The following ARHGEF19 variants were observed in gnomAD, a reference collection of about 807,000 sequenced individuals.
ARHGEF19 encodes the protein Rho guanine nucleotide exchange factor 19.
ARHGEF19 carries 92 observed loss-of-function variants against 87.6 expected under a neutral mutation model. The ratio of observed to expected loss-of-function variants is 1.05; its 90% CI spans 0.89 to 1.25. The LOEUF is 1.25. Ranked by LOEUF, ARHGEF19 falls within the 50% of genes most tolerant of loss-of-function variation. ARHGEF19 has a pLI of 0.00. For synonymous variants in ARHGEF19, 438 were observed against 446.2 expected (o/e 0.98, Z 0.23); for missense variants, 1,054 against 1,051.8 (o/e 1.00, Z -0.03).
At position 16,207,387 on chromosome 1, in the gene ARHGEF19, G is replaced by A. The variant is rs2081150177; in HGVS notation, c.874+135C>T. ...TAAACAAATTGAGCACCTACTGAGT[G>A]CTAGATACCGACAGTTCCATTCTCC... On this transcript the variant is annotated intron_variant, in intron 5 of 15. Coordinates refer to ENST00000270747, the MANE Select transcript of ARHGEF19 (RefSeq NM_153213.5). The surrounding 1 kb of genome is among the most constrained non-coding windows in gnomAD (Gnocchi z 4.0). 7.5e-7 allele frequency: 1 copy of A among 1,338,408 alleles called. No individual in the cohort carries two copies. Among genetic ancestry groups the A allele is most frequent in the South Asian group, 1.4e-5 (1 of 71,262 alleles). 82.9% of individuals were successfully genotyped at this position (1,338,408 alleles called of 1,614,324 possible).
intron 1 of ARHGEF19, among the ~76,000 whole-genome samples, chr1:16,211,283 T>C (rs1234144596): frequency 1.4e-5 from 2 of 140,392 alleles, no homozygotes; most frequent in Non-Finnish European, 3.1e-5. Flanking sequence ...CACAGACGGG[T>C]CTCTTTCTCT....
intron 14 of ARHGEF19, among the ~76,000 whole-genome samples, chr1:16,201,020 G>C (rs372094546): frequency 3.5e-4 from 54 of 152,246 alleles, no homozygotes; most frequent in African/African-American, 1.3e-3. Context: ...TTGAGGCCAG[G>C]CTGGGCAACA....
intron 14 of ARHGEF19, among the ~76,000 whole-genome samples, chr1:16,200,845 G>A (rs747509154): frequency 1.1e-4 from 16 of 152,190 alleles, no homozygotes; most frequent in African/African-American, 1.7e-4. Context: ...AGGTTGCAAT[G>A]AGCAGAGATT....
Position 16,206,897 on chromosome 1 carries a change from C to A in ARHGEF19, c.1137+51G>T. The A allele has an allele frequency of 7.1e-7, 1 of 1,413,250 alleles. No homozygotes were observed. The highest frequency in any genetic ancestry group is 9.1e-7 in the Non-Finnish European group (1 of 1,093,880). 87.5% of individuals were successfully genotyped at this position (1,413,250 alleles called of 1,614,324 possible). On this transcript the variant is annotated intron_variant, in intron 6 of 15. Coordinates refer to ENST00000270747, the MANE Select transcript of ARHGEF19 (RefSeq NM_153213.5). The surrounding 1 kb of genome is among the most constrained non-coding windows in gnomAD (Gnocchi z 4.6). ...CCCGGTTCCCGCTAAGTCCCCGGACCGCGTACTCCCCGGCCCGCCCCCGCC... is the reference window on the plus strand; with the variant it reads ...CCCGGTTCCCGCTAAGTCCCCGGACAGCGTACTCCCCGGCCCGCCCCCGCC...
In ARHGEF19 at chr1:16,207,788, C is replaced by G; in HGVS notation, c.695-11G>C. On this transcript the variant is annotated splice_polypyrimidine_tract_variant and intron_variant, in intron 3 of 15. Transcript: ENST00000270747. This position sits in a 1 kb window ranked among gnomAD's most constrained non-coding sequence, Gnocchi z 4.0. ...TTCCAGATGCTTTCCCTGGAGAGGG[C>G]GAGAACTGAGGGTGGGGGGTCCAGA... The G allele has an allele frequency of 1.2e-6, 2 of 1,613,160 alleles. No individual in the cohort carries two copies. Among genetic ancestry groups the G allele is most frequent in the Non-Finnish European group, 8.5e-7 (1 of 1,179,908 alleles).
In ARHGEF19 at chr1:16,205,609, G is replaced by A; in HGVS notation, c.1510C>T (p.Gln504Ter). 1.9e-6 allele frequency: 3 copies of A among 1,613,856 alleles called. No individual in the cohort carries two copies. Among genetic ancestry groups the A allele is most frequent in the Non-Finnish European group, 2.5e-6 (3 of 1,179,898 alleles). The change falls in exon 9 of 16, where the codon CAG (glutamine) becomes TAG (stop). Residue 504 changes from glutamine to a stop codon, truncating the protein, a stop_gained. Transcript: ENST00000270747. LOFTEE classifies it high-confidence loss of function. The surrounding 1 kb of genome is among the most constrained non-coding windows in gnomAD (Gnocchi z 5.8). ...AGGAAGGAGGTAAGGGGCAGACGCTGGCACACAGGAGACTCCTCCAGGCGA... is the reference window on the plus strand; with the variant it reads ...AGGAAGGAGGTAAGGGGCAGACGCTAGCACACAGGAGACTCCTCCAGGCGA... ...LARLEESPVC[Q>*]RLPLTSFLIL...
chr1:16,206,831 C>A lies in ARHGEF19; in HGVS notation c.1137+117G>T. On this transcript the variant is annotated intron_variant, in intron 6 of 15. Coordinates refer to ENST00000270747, the MANE Select transcript of ARHGEF19 (RefSeq NM_153213.5). The surrounding 1 kb of genome is among the most constrained non-coding windows in gnomAD (Gnocchi z 4.6). ...AGAGCCAACCTTCCGCGCGGACAGT[C>A]GCGCCAGCAACCCCCTTTGTGTGTC... The A allele has an allele frequency of 3.1e-6, 4 of 1,280,524 alleles. No individual in the cohort carries two copies. In the South Asian group the frequency reaches 5.3e-5, roughly 17 times the overall value. 79.3% of individuals were successfully genotyped at this position (1,280,524 alleles called of 1,614,324 possible).
In ARHGEF19 at chr1:16,206,910, G is replaced by GCCCGC; in HGVS notation, c.1137+33_1137+37dup. On this transcript the variant is annotated intron_variant, in intron 6 of 15. Coordinates refer to ENST00000270747, the MANE Select transcript of ARHGEF19 (RefSeq NM_153213.5). This position sits in a 1 kb window ranked among gnomAD's most constrained non-coding sequence, Gnocchi z 4.6. ...AAGTCCCCGGACCGCGTACTCCCCG[G>GCCCGC]CCCGCCCCCGCCCCGCCGGGTCCCC... 7.1e-7 allele frequency: 1 copy of GCCCGC among 1,417,648 alleles called. No individual in the cohort carries two copies. The highest frequency in any genetic ancestry group is 9.1e-7 in the Non-Finnish European group (1 of 1,095,406). The allele number at this position is 1,417,648 out of a possible 1,614,324, so 87.8% of individuals were successfully genotyped here.
At chr1:16,199,011 C>T (rs1413901147) in intron 15 of ARHGEF19, 139 bp downstream of exon 15, 1 of 870,722 alleles carries the variant, frequency 1.1e-6, no homozygotes, top group Non-Finnish European at 1.8e-6. Context: ...CAGGAAGTTC[C>T]TCCTCTCATC....
At position 16,205,666 on chromosome 1, in the gene ARHGEF19, G is replaced by A. The variant is rs1385593618; in HGVS notation, c.1453C>T (p.Leu485=). 3 of 1,606,242 alleles carry A rather than the reference G, an allele frequency of 1.9e-6. No individual in the cohort carries two copies. The highest frequency in any genetic ancestry group is 2.5e-6 in the Non-Finnish European group (3 of 1,177,300). The change falls in exon 9 of 16, where the codon CTG becomes TTG. Residue 485 remains leucine (L), a splice_region_variant and synonymous_variant. Coordinates refer to ENST00000270747, the MANE Select transcript of ARHGEF19 (RefSeq NM_153213.5). This position sits in a 1 kb window ranked among gnomAD's most constrained non-coding sequence, Gnocchi z 5.8. ...YQERTYQRLL[L]ENPRFPGILA... ...ATGCCAGGGAACCTGGGGTTCTCCA[G>A]GCTGGAAAATGGGGAGGACTCTGGA... is the stretch of plus-strand genomic sequence containing the variant.
chr1:16,207,902 C>CCGCCGGG lies in ARHGEF19; in HGVS notation c.694+41_694+42insCCCGGCG. ...GGCATCGCCCACCCCCACCCCCACC[C>CCGCCGGG]GGCATCTGGCTGCCCTCAGGGCCCA... On this transcript the variant is annotated intron_variant, in intron 3 of 15. Coordinates refer to ENST00000270747, the MANE Select transcript of ARHGEF19 (RefSeq NM_153213.5). This position sits in a 1 kb window ranked among gnomAD's most constrained non-coding sequence, Gnocchi z 4.0. 2 of 1,574,822 alleles carry CCGCCGGG rather than the reference C, an allele frequency of 1.3e-6. No homozygotes were observed. The highest frequency in any genetic ancestry group is 1.4e-5 in the African/African-American group (1 of 73,530).
Position 16,205,700 on chromosome 1 carries a change from T to C in ARHGEF19, c.1452-33A>G. 1.3e-6 allele frequency: 2 copies of C among 1,576,754 alleles called. No homozygotes were observed. Among genetic ancestry groups the C allele is most frequent in the Non-Finnish European group, 8.6e-7 (1 of 1,163,164 alleles). ...ATGGGGAGGACTCTGGAATCACAGG[T>C]AGGCCTGAATTCCTGGGATCCACAA... On this transcript the variant is annotated intron_variant, in intron 8 of 15. Transcript: ENST00000270747. This position sits in a 1 kb window ranked among gnomAD's most constrained non-coding sequence, Gnocchi z 5.8.
chr1:16,202,448 C>T lies in ARHGEF19; in HGVS notation c.2034G>A (p.Met678Ile), dbSNP rs2081091673. Residue 678 changes from methionine to isoleucine, a missense_variant, in exon 13 of 16, where the codon ATG becomes ATA. Transcript: ENST00000270747. ...FLLQLLHGQHMKHQFLLRART... is the reference protein window; with the variant it reads ...FLLQLLHGQHIKHQFLLRART... Reference sequence around the variant, plus strand: ...GGGCCCGCAGCAGGAACTGGTGCTTCATGTGCTGCCCGTGGAGGAGCTGGA... The same window carrying T: ...GGGCCCGCAGCAGGAACTGGTGCTTTATGTGCTGCCCGTGGAGGAGCTGGA... The T allele has an allele frequency of 6.2e-7, 1 of 1,614,110 alleles. No homozygotes were observed. Among genetic ancestry groups the T allele is most frequent in the Non-Finnish European group, 8.5e-7 (1 of 1,180,014 alleles).
chr1:16,208,212 C>T lies in ARHGEF19; in HGVS notation c.426G>A (p.Arg142=). ...CGGGGACCTCTTCACGCTGGTACAC[C>T]CGCATCTTGCGCCCTAGGGTTGGGG... ...SEKKSAWRKM[R]VYQREEVPGC... is the part of the protein sequence containing the mutation. The change falls in exon 3 of 16, where the codon CGG becomes CGA. Residue 142 remains arginine, a synonymous_variant. Transcript: ENST00000270747. 6.2e-7 allele frequency: 1 copy of T among 1,612,600 alleles called. No individual in the cohort carries two copies. The highest frequency in any genetic ancestry group is 8.5e-7 in the Non-Finnish European group (1 of 1,179,258).
At chr1:16,209,443 T>C (rs1229363417) in intron 1 of ARHGEF19, among the ~76,000 whole-genome samples, 3 of 152,216 alleles carry the variant, frequency 2.0e-5, no homozygotes, top group African/African-American at 7.2e-5. Context: ...TTTAACCACC[T>C]TGTACTTCTC....
rs146746432 is a variant in ARHGEF19, at chr1:16,208,679, G to A, written c.376C>T (p.Arg126Cys). ...PWSPRHTQPQ[R>C]RASHGSEKKS... Reference sequence around the variant, plus strand: ...TTCTCCGAGCCGTGGCTGGCCCGGCGCTGTGGCTGTGTGTGTCGGGGACTC... The same window carrying A: ...TTCTCCGAGCCGTGGCTGGCCCGGCACTGTGGCTGTGTGTGTCGGGGACTC... The change falls in exon 2 of 16, where the codon CGC becomes TGC. Residue 126 changes from arginine to cysteine, a missense_variant. By Grantham distance (180) the Arg-to-Cys change is radical. Transcript: ENST00000270747. 2,014 of 1,607,218 alleles carry A rather than the reference G, an allele frequency of 1.3e-3. 6 individuals are homozygous for A. Among genetic ancestry groups the A allele is most frequent in the South Asian group, 1.4e-3 (127 of 90,334 alleles).
chr1:16,204,753 A>G lies in ARHGEF19; in HGVS notation c.1907+6T>C. ...TACCTACCCACCCCTGACTGCCCCG[A>G]CTCACTCCTTCCGCCGAGAGAGCAG... On this transcript the variant is annotated splice_donor_region_variant and intron_variant, in intron 12 of 15. Coordinates refer to ENST00000270747, the MANE Select transcript of ARHGEF19 (RefSeq NM_153213.5). 6.3e-7 allele frequency: 1 copy of G among 1,586,514 alleles called. No homozygotes were observed. Among genetic ancestry groups the G allele is most frequent in the South Asian group, 1.1e-5 (1 of 88,056 alleles).
rs1224529424 is a variant in ARHGEF19 at position 16,202,403 on chromosome 1, C to A, written c.2066+13G>T. ...GGGGGAGCCTCCTCTCTCCCATATC[C>A]AGGCCCACTCACTCCGTCCGGGCCC... On this transcript the variant is annotated intron_variant, in intron 13 of 15. Coordinates refer to ENST00000270747, the MANE Select transcript of ARHGEF19 (RefSeq NM_153213.5). The A allele has an allele frequency of 1.2e-6, 2 of 1,603,320 alleles. No individual in the cohort carries two copies. Among genetic ancestry groups the A allele is most frequent in the South Asian group, 2.2e-5 (2 of 89,656 alleles).
chr1:16,202,885 G>A (rs529936046), intron 12 of ARHGEF19, among the ~76,000 whole-genome samples: 3 of 151,724 alleles, frequency 2.0e-5, no homozygotes, highest in Admixed American at 2.0e-4. Context: ...TTTTTGTTTT[G>A]TTTTGTTTTA....
Sources: gnomAD v4.1 joint callset for allele counts (sites outside exome capture counted in the v4.1 genomes callset) on GRCh38, gnomAD v4.1.1 for gene constraint, Gnocchi (gnomAD v3.1) non-coding constraint, MANE v1.5 for transcripts, NCBI Gene and HGNC (gene_info 2026-07-23, HGNC 2026-07-21) for gene names.